The following COP1 variants were observed in gnomAD, a reference collection of about 807,000 sequenced individuals.
COP1 encodes E3 ubiquitin-protein ligase COP1.
Under a neutral mutation model 101.3 loss-of-function variants are expected in COP1, and 24 were observed. The observed-to-expected ratio is 0.24, with a 90% CI of 0.17 to 0.33. COP1 has a LOEUF of 0.33. Among genes scored for constraint, COP1 ranks in the 10% least tolerant of loss-of-function variants. COP1 has a pLI of 1.00. For missense variants in COP1, 663 were observed against 906.2 expected, an observed-to-expected ratio of 0.73 and a Z score of 3.45; for synonymous variants, 347 against 341.9, an observed-to-expected ratio of 1.01 and a Z score of -0.17.
chr1:176,135,711 A>C (rs1689687135), intron 7 of COP1, among the ~76,000 whole-genome samples: 1 of 151,958 alleles, frequency 6.6e-6, no homozygotes, highest in Non-Finnish European at 1.5e-5. Context: ...TTCCTTTTTT[A>C]TGTACTAACT....
intron 8 of COP1, 90 bp from the exon 9 acceptor site, chr1:176,116,771 C>A: frequency 1.2e-6 from 1 of 849,762 alleles, no homozygotes. Context: ...ATATATAAGC[C>A]CAGTATTTCT....
rs1684321783 is a variant in COP1 at position 176,106,449 on chromosome 1, T to C, written c.1026+10175A>G. 3.0e-5 allele frequency among the ~76,000 whole-genome samples: 4 copies of C among 135,098 alleles called. No homozygotes were observed. The South Asian group carries it at 9.1e-4, about 31-fold the overall frequency. The allele number at this position is 135,098 out of a possible 152,430, so 88.6% of individuals were successfully genotyped here. A position where few individuals can be genotyped will look rare whatever the true frequency, so the allele number is the denominator to read the frequency against. On this transcript the variant is annotated intron_variant, in intron 9 of 19. Transcript: ENST00000367669. ...CCACAAGATCAGAAATTATAGTTTATAAGTTTATAAGTTAGGCAGCTGGAG... is the reference window on the plus strand; with the variant it reads ...CCACAAGATCAGAAATTATAGTTTACAAGTTTATAAGTTAGGCAGCTGGAG...
chr1:176,029,822 T>C (rs926137278), intron 14 of COP1, among the ~76,000 whole-genome samples: 1 of 152,230 alleles, frequency 6.6e-6, no homozygotes, highest in African/African-American at 2.4e-5. Context: ...CGTAAGAATT[T>C]AATATGTGAA....
chr1:176,004,665 T>C (rs1191945387), intron 15 of COP1, among the ~76,000 whole-genome samples: 13 of 151,116 alleles, frequency 8.6e-5, no homozygotes, highest in Middle Eastern at 3.4e-3. Context: ...TATTGATTTG[T>C]GTGTATTGAA....
rs114266163 is a variant in COP1, at chr1:176,090,099, T to A, written c.1027-4209A>T. The stretch of plus-strand genomic sequence containing the variant: ...CAACCCCTTATCTTAACCCAGACAC[T>A]CCTTCCTATTAATCTCAGGTCTTTG... On this transcript the variant is annotated intron_variant, in intron 9 of 19. Coordinates refer to ENST00000367669, the MANE Select transcript of COP1 (RefSeq NM_022457.7). Among the ~76,000 whole-genome samples, 255 of 152,246 alleles carry A rather than the reference T, an allele frequency of 1.7e-3. 1 individual carries two copies. The highest frequency in any genetic ancestry group is 5.9e-3 in the African/African-American group (244 of 41,550).
At chr1:175,961,695 C>CAAAAAA in intron 18 of COP1, among the ~76,000 whole-genome samples, 1 of 69,420 alleles carries the variant, frequency 1.4e-5, no homozygotes, top group Non-Finnish European at 2.7e-5. Context: ...GACCCTGTCT[C>CAAAAAA]AAAAAAAAAA....
intron 9 of COP1, among the ~76,000 whole-genome samples, chr1:176,093,788 C>T (rs968838310): frequency 6.6e-6 from 1 of 151,386 alleles, no homozygotes; most frequent in Non-Finnish European, 1.5e-5. Flanking sequence ...TGCAGTGAGC[C>T]GAGATCAAGC....
At chr1:176,110,895 T>G (rs998755480) in intron 9 of COP1, among the ~76,000 whole-genome samples, 3 of 152,234 alleles carry the variant, frequency 2.0e-5, no homozygotes, top group African/African-American at 4.8e-5. Context: ...GGCTCATGCC[T>G]GTAATCCCAG....
chr1:176,012,939 ATG>A (rs1664941578), intron 15 of COP1, among the ~76,000 whole-genome samples: 1 of 152,174 alleles, frequency 6.6e-6, no homozygotes. Flanking sequence ...TGATTGCATT[ATG>A]TAGTCCCTAG....
Position 176,007,918 on chromosome 1 carries a change from T to C in COP1, c.1730-18439A>G, listed in dbSNP as rs376780055. 1.8e-4 allele frequency among the ~76,000 whole-genome samples: 28 copies of C among 152,264 alleles called. No homozygotes were observed. In the East Asian group the frequency reaches 3.9e-3, roughly 21 times the overall value. ...CTTTGTTTACCTAAGCAAGCCTGGGTAATGGCGGGCGCCCCTCCCCCAGCC... is the reference window on the plus strand; with the variant it reads ...CTTTGTTTACCTAAGCAAGCCTGGGCAATGGCGGGCGCCCCTCCCCCAGCC... On this transcript the variant is annotated intron_variant, in intron 15 of 19. Coordinates refer to ENST00000367669, the MANE Select transcript of COP1 (RefSeq NM_022457.7).
intron 11 of COP1, among the ~76,000 whole-genome samples, chr1:176,060,697 T>C (rs953990121): frequency 2.0e-5 from 3 of 152,128 alleles, no homozygotes; most frequent in Non-Finnish European, 2.9e-5. Flanking sequence ...AAAACTATGA[T>C]ATAAAGAAAC....
intron 9 of COP1, among the ~76,000 whole-genome samples, chr1:176,094,150 G>GCAA (rs1681895269): frequency 2.0e-5 from 3 of 152,094 alleles, no homozygotes; most frequent in Admixed American, 2.0e-4. Flanking sequence ...GAAGTAGTCA[G>GCAA]CAACACTGTT....
chr1:176,175,100 T>TC (rs1696732442), intron 3 of COP1, among the ~76,000 whole-genome samples: 1 of 152,144 alleles, frequency 6.6e-6, no homozygotes, highest in Admixed American at 6.6e-5. Context: ...TTTAATTGCC[T>TC]CCCTAGTTCA....
At chr1:176,148,877 A>G in intron 6 of COP1, 129 bp downstream of exon 6, 1 of 580,526 alleles carries the variant, frequency 1.7e-6, no homozygotes. Context: ...AATCTTAAGG[A>G]AACCTCCTAA....
chr1:176,058,155 G>T (rs559606574), intron 11 of COP1, among the ~76,000 whole-genome samples: 1 of 88,046 alleles, frequency 1.1e-5, no homozygotes, highest in Non-Finnish European at 2.4e-5. Context: ...GTCAGCCCCC[G>T]CCCGGCCAGC....
At position 176,076,612 on chromosome 1, in the gene COP1, C is replaced by T. The variant is rs150363583; in HGVS notation, c.1277+4540G>A. 3.5e-4 allele frequency among the ~76,000 whole-genome samples: 53 copies of T among 151,936 alleles called. No individual in the cohort carries two copies. In the East Asian group the frequency reaches 9.7e-3, roughly 28 times the overall value. On this transcript the variant is annotated intron_variant, in intron 11 of 19. Coordinates refer to ENST00000367669, the MANE Select transcript of COP1 (RefSeq NM_022457.7). ...ATCCCAAAGCTAGTAGAAGAAAAAACTAAAATCAGAGAAGAGCTGAATGAA... is the reference window on the plus strand; with the variant it reads ...ATCCCAAAGCTAGTAGAAGAAAAAATTAAAATCAGAGAAGAGCTGAATGAA...
chr1:175,968,543 T>C (rs1252233492), intron 18 of COP1: 1 of 514,736 alleles, frequency 1.9e-6, no homozygotes, highest in Non-Finnish European at 3.9e-6. Context: ...CTTCCATTTC[T>C]GGTGTGCTTC....
At chr1:176,034,761 A>G (rs2149115036) in intron 14 of COP1, among the ~76,000 whole-genome samples, 1 of 152,320 alleles carries the variant, frequency 6.6e-6, no homozygotes, top group Middle Eastern at 3.4e-3. Context: ...ACTACAGTTG[A>G]AAAGATGACC....
intron 8 of COP1, among the ~76,000 whole-genome samples, chr1:176,119,564 G>A (rs944795275): frequency 6.6e-6 from 1 of 151,670 alleles, no homozygotes; most frequent in African/African-American, 2.4e-5. Flanking sequence ...TAAGAAAAAG[G>A]TATAATGCAG....
Sources: allele counts gnomAD v4.1 joint callset (sites outside exome capture counted in the v4.1 genomes callset), GRCh38; gene constraint gnomAD v4.1.1; transcripts MANE v1.5; gene names NCBI Gene and HGNC (gene_info 2026-07-23, HGNC 2026-07-21).